The following PDE4B variants were observed in gnomAD, a reference collection of about 807,000 sequenced individuals.
PDE4B encodes 3',5'-cyclic-AMP phosphodiesterase 4B.
A neutral mutation model predicts 82.2 loss-of-function variants in PDE4B; 20 were observed. The ratio of observed to expected loss-of-function variants is 0.24; its 90% CI spans 0.17 to 0.35. The LOEUF is 0.35. Ranked by LOEUF, PDE4B falls within the 10% of genes least tolerant of loss-of-function variation. PDE4B has a pLI of 1.00. For missense variants in PDE4B, 655 were observed against 907.2 expected (o/e 0.72, Z 3.57); for synonymous variants, 320 against 318.9 (o/e 1.00, Z -0.04).
chr1:66,270,078 A>G (rs1655354133), intron 7 of PDE4B, among the ~76,000 whole-genome samples: 1 of 152,232 alleles, frequency 6.6e-6, no homozygotes, highest in African/African-American at 2.4e-5. Context: ...CCATAGCACC[A>G]AGATGACTAG....
At chr1:66,353,509 G>A (rs1038811305) in intron 8 of PDE4B, among the ~76,000 whole-genome samples, 24 of 152,218 alleles carry the variant, frequency 1.6e-4, no homozygotes, top group African/African-American at 5.3e-4. Context: ...CCAATTGCAA[G>A]TTGGGGCTGT....
At chr1:65,879,174 T>C (rs34303786) in intron 1 of PDE4B, among the ~76,000 whole-genome samples, 27,716 of 152,058 alleles carry the variant, frequency 0.18, 2,995 homozygotes, top group South Asian at 0.39. Context: ...GCCTGAGATA[T>C]GCAGTAGTCA....
At chr1:65,983,223 C>T (rs1213153976) in intron 3 of PDE4B, among the ~76,000 whole-genome samples, 1 of 152,170 alleles carries the variant, frequency 6.6e-6, no homozygotes, top group Non-Finnish European at 1.5e-5. Context: ...TGGAGAAGAA[C>T]TTTGCCGCAG....
At chr1:66,242,880 T>G (rs1385883433) in intron 3 of PDE4B, among the ~76,000 whole-genome samples, 1 of 152,164 alleles carries the variant, frequency 6.6e-6, no homozygotes, top group Non-Finnish European at 1.5e-5. Flanking sequence ...ATCTGCTGGC[T>G]CACGTGTCAC....
chr1:66,077,547 G>T (rs955026747), intron 3 of PDE4B, among the ~76,000 whole-genome samples: 7 of 152,078 alleles, frequency 4.6e-5, no homozygotes, highest in African/African-American at 7.2e-5. Context: ...CAGTGCCTAG[G>T]ATATGTAGAT....
At chr1:65,982,320 C>T (rs1464554547) in intron 3 of PDE4B, among the ~76,000 whole-genome samples, 2 of 152,082 alleles carry the variant, frequency 1.3e-5, no homozygotes, top group Non-Finnish European at 2.9e-5. Flanking sequence ...AGCAAAGGGT[C>T]GCAAACACAT....
At chr1:65,803,567 A>G (rs1645720190) in intron 1 of PDE4B, among the ~76,000 whole-genome samples, 1 of 152,244 alleles carries the variant, frequency 6.6e-6, no homozygotes. Flanking sequence ...AAAGGGCTTC[A>G]AAGCCAGGCA....
At chr1:66,199,521 T>C (rs1042847432) in intron 3 of PDE4B, among the ~76,000 whole-genome samples, 1 of 152,156 alleles carries the variant, frequency 6.6e-6, no homozygotes, top group African/African-American at 2.4e-5. Flanking sequence ...ATATTAGCCC[T>C]TTGTCAGATG....
chr1:66,082,791 T>C (rs940353443), intron 3 of PDE4B, among the ~76,000 whole-genome samples: 9 of 152,078 alleles, frequency 5.9e-5, no homozygotes, highest in Non-Finnish European at 1.3e-4. Flanking sequence ...TGATGAAATT[T>C]GCTTAAAAAT....
At chr1:66,064,894 T>A (rs1440230115) in intron 3 of PDE4B, among the ~76,000 whole-genome samples, 1 of 151,986 alleles carries the variant, frequency 6.6e-6, no homozygotes, top group Non-Finnish European at 1.5e-5. Flanking sequence ...AACTTTATAG[T>A]CTTTTCCCCT....
chr1:66,184,198 C>T (rs1647131602), intron 3 of PDE4B, among the ~76,000 whole-genome samples: 1 of 152,068 alleles, frequency 6.6e-6, no homozygotes, highest in Non-Finnish European at 1.5e-5. Context: ...ACAAATCTGT[C>T]CTTTAGTAAA....
At chr1:66,061,594 A>C (rs1049877640) in intron 3 of PDE4B, among the ~76,000 whole-genome samples, 3 of 152,132 alleles carry the variant, frequency 2.0e-5, no homozygotes, top group Admixed American at 6.6e-5. Context: ...TCATTGTGTA[A>C]AATTGATAAA....
At chr1:66,359,093 A>G (rs1480049387) in intron 9 of PDE4B, among the ~76,000 whole-genome samples, 1 of 152,220 alleles carries the variant, frequency 6.6e-6, no homozygotes, top group South Asian at 2.1e-4. Flanking sequence ...AGATTTTTAC[A>G]TGTTATATTA....
chr1:66,155,319 C>T (rs1445788498), intron 3 of PDE4B, among the ~76,000 whole-genome samples: 1 of 152,020 alleles, frequency 6.6e-6, no homozygotes, highest in Non-Finnish European at 1.5e-5. Context: ...TCTCTTTCCT[C>T]GTGTCTTCTG....
chr1:65,845,652 A>T (rs6694927), intron 1 of PDE4B, among the ~76,000 whole-genome samples: 80,610 of 151,954 alleles, frequency 0.53, 21,604 homozygotes, highest in Non-Finnish European at 0.57. Context: ...GATGATGCTG[A>T]ACAGTGCTCC....
intron 3 of PDE4B, among the ~76,000 whole-genome samples, chr1:66,232,424 A>AT (rs199896346): frequency 0.017 from 2,608 of 152,292 alleles, 76 homozygotes; most frequent in African/African-American, 0.06. Context: ...GTCTAGCTGC[A>AT]TTGGTCATTC....
At chr1:66,274,226 T>TGCCAGGCTAGAGAGCAATGCCAGG (rs1655710550) in intron 7 of PDE4B, among the ~76,000 whole-genome samples, 1 of 151,710 alleles carries the variant, frequency 6.6e-6, no homozygotes, top group South Asian at 2.1e-4. Context: ...AATGGTACAA[T>TGCCAGGCTAGAGAGCAATGCCAGG]CTCAGCTCAC....
intron 3 of PDE4B, among the ~76,000 whole-genome samples, chr1:65,931,343 C>T (rs559186394): frequency 7.2e-5 from 11 of 152,092 alleles, no homozygotes; most frequent in African/African-American, 2.7e-4. Context: ...TGGCCTAATA[C>T]AAAAAGGTAT....
At chr1:66,262,202 G>A (rs1200419591) in intron 6 of PDE4B, among the ~76,000 whole-genome samples, 1 of 152,194 alleles carries the variant, frequency 6.6e-6, no homozygotes, top group Non-Finnish European at 1.5e-5. Flanking sequence ...TAAATTAACT[G>A]AGGATCATAA....
Sources: allele counts gnomAD v4.1 joint callset (sites outside exome capture counted in the v4.1 genomes callset), GRCh38; gene constraint gnomAD v4.1.1; transcripts MANE v1.5; gene names NCBI Gene and HGNC (gene_info 2026-07-23, HGNC 2026-07-21).